TTYH2: variants seen among roughly 807,000 people sequenced by gnomAD.
TTYH2 encodes protein tweety homolog 2.
TTYH2 carries 49 observed loss-of-function variants against 68.3 expected under a neutral mutation model. The observed-to-expected ratio is 0.72, with a 90% CI of 0.57 to 0.91. TTYH2 has a LOEUF of 0.91. TTYH2 is among the 40% of genes least tolerant of loss of function. The pLI, the probability that TTYH2 is intolerant of heterozygous loss-of-function variation, is 0.00. For missense variants in TTYH2, 631 were observed against 700.4 expected (o/e 0.90, Z 1.12); for synonymous variants, 272 against 300.8 (o/e 0.90, Z 0.99).
intron 2 of TTYH2, among the ~76,000 whole-genome samples, chr17:74,223,954 A>G (rs1298377709): frequency 6.6e-6 from 1 of 152,206 alleles, no homozygotes; most frequent in East Asian, 1.9e-4. Flanking sequence ...TGTGGGGCGG[A>G]CAAAGCTCTG....
chr17:74,249,317 G>T, intron 7 of TTYH2, 27 bp from the exon 8 acceptor site: 1 of 1,614,020 alleles, frequency 6.2e-7, no homozygotes, highest in Non-Finnish European at 8.5e-7. Flanking sequence ...TTTGTGAGCT[G>T]CCTAACGTTA....
chr17:74,216,506 C>A (rs537642815), intron 1 of TTYH2, among the ~76,000 whole-genome samples: 9 of 152,296 alleles, frequency 5.9e-5, no homozygotes, highest in African/African-American at 2.2e-4. Context: ...TGTTCCAGAA[C>A]CTTCCTGAGG....
chr17:74,255,160 G>A (rs2050680452), intron 13 of TTYH2, among the ~76,000 whole-genome samples: 1 of 152,278 alleles, frequency 6.6e-6, no homozygotes, highest in Non-Finnish European at 1.5e-5. Context: ...CAGGGACACG[G>A]ACTCCAGTGC....
At position 74,214,233 on chromosome 17, in the gene TTYH2, C is replaced by A. The variant is rs2050200310; in HGVS notation, c.129+517C>A. Among the ~76,000 whole-genome samples the A allele has an allele frequency of 6.6e-6, 1 of 152,114 alleles. No individual in the cohort carries two copies. Among genetic ancestry groups the A allele is most frequent in the South Asian group, 2.1e-4 (1 of 4,830 alleles). ...CTTCGCAGCACCCCTCCTCCCCAGC[C>A]CCGGCCTGCAGGGTGGGAGTCTCAG... On this transcript the variant is annotated intron_variant, in intron 1 of 13. Coordinates refer to ENST00000269346, the MANE Select transcript of TTYH2 (RefSeq NM_032646.6). The surrounding 1 kb of genome is among the most constrained non-coding windows in gnomAD (Gnocchi z 4.6).
intron 1 of TTYH2, among the ~76,000 whole-genome samples, chr17:74,221,092 G>A (rs987817040): frequency 7.2e-5 from 11 of 152,058 alleles, no homozygotes; most frequent in African/African-American, 1.7e-4. Flanking sequence ...CACACCTGGC[G>A]GAAAGCCACA....
intron 1 of TTYH2, among the ~76,000 whole-genome samples, chr17:74,216,174 G>T (rs569671293): frequency 2.0e-5 from 3 of 152,370 alleles, no homozygotes; most frequent in East Asian, 3.9e-4. Flanking sequence ...AGGTTCAGGA[G>T]TGTGTCTCAG....
rs1463919687 is a variant in TTYH2, at chr17:74,215,797, C to G, written c.129+2081C>G. 3.0e-6 allele frequency: 4 copies of G among 1,351,494 alleles called. No individual in the cohort carries two copies. The highest frequency in any genetic ancestry group is 3.1e-6 in the Non-Finnish European group (3 of 980,608). The allele number at this position is 1,351,494 out of a possible 1,614,324, so 83.7% of individuals were successfully genotyped here. A position where few individuals can be genotyped will look rare whatever the true frequency, so the allele number is the denominator to read the frequency against. On this transcript the variant is annotated intron_variant, in intron 1 of 13. Transcript: ENST00000269346. The surrounding 1 kb of genome is among the most constrained non-coding windows in gnomAD (Gnocchi z 4.3). ...CAGTCACTAACAGAGTCAGGTGGAC[C>G]GTCGGTCATCCCAGTCTTCAGCAAG...
chr17:74,229,581 C>T (rs1055231933), intron 2 of TTYH2, among the ~76,000 whole-genome samples: 1 of 152,142 alleles, frequency 6.6e-6, no homozygotes, highest in Non-Finnish European at 1.5e-5. Flanking sequence ...ATGTTCACAG[C>T]AGCTGTATTC....
Position 74,213,862 on chromosome 17 carries a change from T to C in TTYH2, c.129+146T>C. 1 of 1,098,810 alleles carries C rather than the reference T, an allele frequency of 9.1e-7. No homozygotes were observed. Among genetic ancestry groups the C allele is most frequent in the African/African-American group, 1.6e-5 (1 of 61,572 alleles). 68.1% of individuals were successfully genotyped at this position (1,098,810 alleles called of 1,614,324 possible). A position where few individuals can be genotyped will look rare whatever the true frequency, so the allele number is the denominator to read the frequency against. On this transcript the variant is annotated intron_variant, in intron 1 of 13. Coordinates refer to ENST00000269346, the MANE Select transcript of TTYH2 (RefSeq NM_032646.6). This position sits in a 1 kb window ranked among gnomAD's most constrained non-coding sequence, Gnocchi z 6.1. ...CCCTTTCCCGTCTCCCCTCTCCCCT[T>C]TTCCCCCACCCTCCCAGGCCCGTGG...
At chr17:74,242,575 T>C (rs1363238824) in intron 4 of TTYH2, among the ~76,000 whole-genome samples, 1 of 152,154 alleles carries the variant, frequency 6.6e-6, no homozygotes, top group Non-Finnish European at 1.5e-5. Context: ...GTATATTTTG[T>C]AGAGATGAGG....
chr17:74,215,850 C>T lies in TTYH2; in HGVS notation c.129+2134C>T, dbSNP rs115269209. Reference sequence around the variant, plus strand: ...TGACTGGAGCAAGTGCTATGCCAGGCGTGGGGTGACCGTGGTAACCAAGGC... The same window carrying T: ...TGACTGGAGCAAGTGCTATGCCAGGTGTGGGGTGACCGTGGTAACCAAGGC... On this transcript the variant is annotated intron_variant, in intron 1 of 13. Transcript: ENST00000269346. The surrounding 1 kb of genome is among the most constrained non-coding windows in gnomAD (Gnocchi z 4.3). 1.6e-3 allele frequency: 1,298 copies of T among 835,508 alleles called. 10 individuals are homozygous for T. In the African/African-American group the frequency reaches 0.019, roughly 12 times the overall value. 51.8% of individuals were successfully genotyped at this position (835,508 alleles called of 1,614,324 possible).
At chr17:74,216,315 TGTGTGGG>T (rs1231755265) in intron 1 of TTYH2, among the ~76,000 whole-genome samples, 2 of 151,964 alleles carry the variant, frequency 1.3e-5, no homozygotes, top group Admixed American at 6.6e-5. Flanking sequence ...CAGTGCTGGC[TGTGTGGG>T]GTGTGGGGGG....
At chr17:74,221,701 C>T (rs1204691178) in intron 1 of TTYH2, among the ~76,000 whole-genome samples, 2 of 152,298 alleles carry the variant, frequency 1.3e-5, no homozygotes, top group South Asian at 2.1e-4. Context: ...CATTGCAGGG[C>T]CCCGAGGTGC....
In TTYH2 at chr17:74,236,645, G is replaced by A. The variant is rs188073239; in HGVS notation, c.415-649G>A. Among the ~76,000 whole-genome samples, 103 of 152,324 alleles carry A rather than the reference G, an allele frequency of 6.8e-4. 1 individual carries two copies. Among genetic ancestry groups the A allele is most frequent in the African/African-American group, 2.4e-3 (100 of 41,574 alleles). On this transcript the variant is annotated intron_variant, in intron 3 of 13. Transcript: ENST00000269346. ...GCAGGGATGTGCCCACACTCCCAGC[G>A]CCAGAGGCTAGACCTGGCCTCAGCC...
At position 74,222,499 on chromosome 17, in the gene TTYH2, G is replaced by A; in HGVS notation, c.144G>A (p.Leu48=). 6.2e-7 allele frequency: 1 copy of A among 1,610,178 alleles called. No homozygotes were observed. Among genetic ancestry groups the A allele is most frequent in the Non-Finnish European group, 8.5e-7 (1 of 1,179,700 alleles). ...DESYQESLLF[L]GLVAAVCLGL... ...CTCTCTTCCAGTCGCTGCTGTTCCTGGGGCTGGTGGCCGCCGTCTGCCTGG... is the reference window on the plus strand; with the variant it reads ...CTCTCTTCCAGTCGCTGCTGTTCCTAGGGCTGGTGGCCGCCGTCTGCCTGG... The change falls in exon 2 of 14, where the codon CTG becomes CTA. Residue 48 remains leucine (L), a synonymous_variant. Transcript: ENST00000269346. This position sits in a 1 kb window ranked among gnomAD's most constrained non-coding sequence, Gnocchi z 5.2.
At chr17:74,234,780 AGTTT>A (rs1179812570) in intron 3 of TTYH2, among the ~76,000 whole-genome samples, 1 of 152,176 alleles carries the variant, frequency 6.6e-6, no homozygotes, top group Non-Finnish European at 1.5e-5. Flanking sequence ...TTTACTCTGA[AGTTT>A]GTTTGATTTA....
chr17:74,229,176 C>T (rs187347571), intron 2 of TTYH2, among the ~76,000 whole-genome samples: 29 of 152,154 alleles, frequency 1.9e-4, no homozygotes, highest in African/African-American at 6.5e-4. Context: ...TGGAGGATGT[C>T]GAGAGAGTCC....
intron 13 of TTYH2, among the ~76,000 whole-genome samples, chr17:74,255,933 A>G (rs2050689738): frequency 6.6e-6 from 1 of 152,202 alleles, no homozygotes; most frequent in South Asian, 2.1e-4. Context: ...ACCTGGGACC[A>G]GCGTGATAGA....
intron 4 of TTYH2, among the ~76,000 whole-genome samples, chr17:74,238,452 G>A (rs979598210): frequency 7.9e-5 from 12 of 152,014 alleles, no homozygotes; most frequent in South Asian, 2.1e-4. Flanking sequence ...AGGCTGGAGT[G>A]CAGTGGTGTG....
Sources: gnomAD v4.1 joint callset for allele counts (sites outside exome capture counted in the v4.1 genomes callset) on GRCh38, gnomAD v4.1.1 for gene constraint, Gnocchi (gnomAD v3.1) non-coding constraint, MANE v1.5 for transcripts, NCBI Gene and HGNC (gene_info 2026-07-23, HGNC 2026-07-21) for gene names.